The following TBC1D5 variants were observed in gnomAD, a reference collection of about 807,000 sequenced individuals.
TBC1D5 encodes TBC1 domain family member 5.
A neutral mutation model predicts 100.3 loss-of-function variants in TBC1D5; 75 were observed. The observed-to-expected ratio is 0.75, with a 90% confidence interval of 0.62 to 0.91. TBC1D5 has a LOEUF of 0.91. Ranked by LOEUF, TBC1D5 falls within the 40% of genes least tolerant of loss-of-function variation. TBC1D5 has a pLI of 0.00. For missense variants in TBC1D5, 910 were observed against 942.4 expected (o/e 0.97, Z 0.45); for synonymous variants, 323 against 325.6 (o/e 0.99, Z 0.09).
At chr3:17,284,807 G>A (rs963372718) in intron 15 of TBC1D5, among the ~76,000 whole-genome samples, 1 of 152,082 alleles carries the variant, frequency 6.6e-6, no homozygotes, top group African/African-American at 2.4e-5. Flanking sequence ...TTTAGAAAAT[G>A]CTAATCTATG....
chr3:17,302,126 G>C (rs1443541262), intron 14 of TBC1D5, among the ~76,000 whole-genome samples: 1 of 152,154 alleles, frequency 6.6e-6, no homozygotes, highest in African/African-American at 2.4e-5. Flanking sequence ...TGCCTCTCCT[G>C]CTTCTGGTGT....
chr3:17,541,452 T>C (rs545111771), intron 2 of TBC1D5, among the ~76,000 whole-genome samples: 4 of 152,350 alleles, frequency 2.6e-5, no homozygotes, highest in Admixed American at 2.0e-4. Flanking sequence ...TTTGATGCTA[T>C]TGTAAATGAA....
At chr3:17,727,715 G>T (rs954639932) in intron 1 of TBC1D5, among the ~76,000 whole-genome samples, 4 of 152,080 alleles carry the variant, frequency 2.6e-5, no homozygotes, top group African/African-American at 9.7e-5. Flanking sequence ...AAAGCACCAG[G>T]CCTACACAAA....
rs1413468038 is a variant in TBC1D5, at chr3:17,690,333, C to G, written c.-101+49010G>C. ...CCGGGTTCACGCCATTCTCCCGCCT[C>G]AGCCTCCCAAGTAGCTGGGACTACA... On this transcript the variant is annotated intron_variant, in intron 1 of 21. Coordinates refer to ENST00000253692, the Ensembl canonical transcript of TBC1D5. 3.8e-5 allele frequency among the ~76,000 whole-genome samples: 3 copies of G among 79,198 alleles called. 1 individual carries two copies. Among genetic ancestry groups the G allele is most frequent in the Non-Finnish European group, 5.0e-5 (2 of 39,820 alleles). The allele number at this position is 79,198 out of a possible 152,430, so 52.0% of individuals were successfully genotyped here.
intron 18 of TBC1D5, among the ~76,000 whole-genome samples, chr3:17,190,249 T>G (rs1358910820): frequency 6.6e-6 from 1 of 152,176 alleles, no homozygotes; most frequent in Non-Finnish European, 1.5e-5. Flanking sequence ...TGAAAAAGTT[T>G]AGAGGATGGT....
At chr3:17,259,618 G>A (rs1319678361) in intron 15 of TBC1D5, among the ~76,000 whole-genome samples, 1 of 150,424 alleles carries the variant, frequency 6.6e-6, no homozygotes, top group East Asian at 2.0e-4. Flanking sequence ...ACACGGAAAA[G>A]CTGCATATTA....
chr3:17,371,646 CA>C (rs565160167), intron 13 of TBC1D5, among the ~76,000 whole-genome samples: 95 of 152,200 alleles, frequency 6.2e-4, no homozygotes, highest in African/African-American at 2.2e-3. Flanking sequence ...CATAGACACA[CA>C]AAAGAGATGT....
intron 2 of TBC1D5, among the ~76,000 whole-genome samples, chr3:17,599,129 T>C (rs1234493135): frequency 1.3e-5 from 2 of 152,182 alleles, no homozygotes; most frequent in Non-Finnish European, 2.9e-5. Context: ...ATGAAAGTGA[T>C]ACAGACAGGA....
At position 17,496,385 on chromosome 3, in the gene TBC1D5, G is replaced by A. The variant is rs181930358; in HGVS notation, c.97+12089C>T. 1.0e-3 allele frequency among the ~76,000 whole-genome samples: 154 copies of A among 152,064 alleles called. 2 individuals are homozygous for A. The South Asian group carries it at 0.018, about 18-fold the overall frequency. On this transcript the variant is annotated intron_variant, in intron 3 of 21. Transcript: ENST00000253692. ...CGAATTCTACATTACATCAGCAAGG[G>A]AAAATAATGATTACATGCTCTCCAC... is the stretch of plus-strand genomic sequence containing the variant.
chr3:17,462,322 A>ATTTTTTTTTT (rs527597868), intron 3 of TBC1D5, among the ~76,000 whole-genome samples: 1 of 132,660 alleles, frequency 7.5e-6, no homozygotes. Flanking sequence ...TCGGACCTTA[A>ATTTTTTTTTT]TTTTTTTTTT....
chr3:17,693,333 G>C (rs184138211), intron 1 of TBC1D5, among the ~76,000 whole-genome samples: 273 of 152,296 alleles, frequency 1.8e-3, no homozygotes, highest in African/African-American at 6.5e-3. Context: ...CCTAGCCAAG[G>C]GAAGCCGTGA....
chr3:17,192,047 AT>A (rs1026422025), intron 18 of TBC1D5, among the ~76,000 whole-genome samples: 4 of 152,140 alleles, frequency 2.6e-5, no homozygotes, highest in African/African-American at 9.7e-5. Context: ...ATATATATAT[AT>A]GCATAGAAAA....
chr3:17,378,048 TG>T (rs1185962078), intron 9 of TBC1D5, among the ~76,000 whole-genome samples: 1 of 151,798 alleles, frequency 6.6e-6, no homozygotes, highest in Non-Finnish European at 1.5e-5. Flanking sequence ...AAAAAGAAAG[TG>T]CCATAATTTT....
chr3:17,433,555 C>T (rs1254585597), intron 3 of TBC1D5, among the ~76,000 whole-genome samples: 1 of 152,128 alleles, frequency 6.6e-6, no homozygotes, highest in Non-Finnish European at 1.5e-5. Context: ...GATTCAATTA[C>T]CTCCAACTGG....
chr3:17,403,443 C>A (rs1001885782), intron 7 of TBC1D5, among the ~76,000 whole-genome samples, 195 bp from the exon 8 acceptor site: 1 of 151,992 alleles, frequency 6.6e-6, no homozygotes, highest in African/African-American at 2.4e-5. Context: ...ATTCTAACAT[C>A]AATTTTTCCA....
chr3:17,358,821 A>C (rs1467972442), intron 13 of TBC1D5, among the ~76,000 whole-genome samples: 1 of 152,164 alleles, frequency 6.6e-6, no homozygotes, highest in African/African-American at 2.4e-5. Flanking sequence ...TACCATTTAC[A>C]ATTTAAGGCA....
At chr3:17,647,690 C>T (rs2065138975) in intron 1 of TBC1D5, among the ~76,000 whole-genome samples, 1 of 151,956 alleles carries the variant, frequency 6.6e-6, no homozygotes, top group South Asian at 2.1e-4. Flanking sequence ...TTAGGGGAGT[C>T]GAATGATATA....
chr3:17,729,016 TAAA>T (rs34461809), intron 1 of TBC1D5, among the ~76,000 whole-genome samples: 12 of 29,582 alleles, frequency 4.1e-4, no homozygotes, highest in East Asian at 1.2e-3. Flanking sequence ...TGAAAATCAG[TAAA>T]AAAAAAAAAA....
At chr3:17,633,136 T>C (rs2153679264) in intron 1 of TBC1D5, among the ~76,000 whole-genome samples, 2 of 152,224 alleles carry the variant, frequency 1.3e-5, no homozygotes, top group South Asian at 4.1e-4. Flanking sequence ...TATCTAAGCA[T>C]TTAAAAAACT....
Sources: allele counts gnomAD v4.1 joint callset (sites outside exome capture counted in the v4.1 genomes callset), GRCh38; gene constraint gnomAD v4.1.1; transcripts MANE v1.5; gene names NCBI Gene and HGNC (gene_info 2026-07-23, HGNC 2026-07-21).